The following HDAC4 variants were observed in gnomAD, a reference collection of about 807,000 sequenced individuals.
The protein encoded by HDAC4 is histone deacetylase 4, also known as histone deacetylase A.
Under a neutral mutation model 135.1 loss-of-function variants are expected in HDAC4, and 16 were observed. The ratio of observed to expected loss-of-function variants is 0.12; its 90% confidence interval spans 0.08 to 0.18. The LOEUF (loss-of-function observed/expected upper bound fraction) is 0.18, where lower values mean the gene tolerates loss of function less well. Among genes scored for constraint, HDAC4 ranks in the 10% least tolerant of loss-of-function variants. The pLI, the probability that HDAC4 is intolerant of heterozygous loss-of-function variation, is 1.00. For synonymous variants in HDAC4, 685 were observed against 653.4 expected, an observed-to-expected ratio of 1.05 and a Z score of -0.74; for missense variants, 1,143 against 1,511.8, an observed-to-expected ratio of 0.76 and a Z score of 4.05.
intron 2 of HDAC4, among the ~76,000 whole-genome samples, chr2:239,297,366 C>A (rs1007222742): frequency 6.6e-6 from 1 of 152,250 alleles, no homozygotes. Flanking sequence ...TCCGTGCCAC[C>A]AACCTGTGGG....
intron 13 of HDAC4, among the ~76,000 whole-genome samples, chr2:239,112,266 G>A (rs2038745014): frequency 6.6e-6 from 1 of 152,218 alleles, no homozygotes; most frequent in Non-Finnish European, 1.5e-5. Context: ...TGGGCACGAA[G>A]CCCAACCCCC....
rs1346725132 is a variant in HDAC4, at chr2:239,141,956, C to A, written c.866-2160G>T. On this transcript the variant is annotated intron_variant, in intron 8 of 26. Coordinates refer to ENST00000543185, the MANE Select transcript of HDAC4 (RefSeq NM_001378414.1). The surrounding 1 kb of genome is among the most constrained non-coding windows in gnomAD (Gnocchi z 4.9). Reference sequence around the variant, plus strand: ...AAACGGGAACACCATTGGAGGTGCTCAAAAGGCGTGTGGCTGAAATTGAGT... The same window carrying A: ...AAACGGGAACACCATTGGAGGTGCTAAAAAGGCGTGTGGCTGAAATTGAGT... 1.3e-5 allele frequency among the ~76,000 whole-genome samples: 2 copies of A among 152,120 alleles called. No homozygotes were observed. Among genetic ancestry groups the A allele is most frequent in the Non-Finnish European group, 2.9e-5 (2 of 68,038 alleles).
Position 239,118,794 on chromosome 2 carries a change from C to T in HDAC4, c.1534-3484G>A, listed in dbSNP as rs3791429. Among the ~76,000 whole-genome samples, 4 of 152,206 alleles carry T rather than the reference C, an allele frequency of 2.6e-5. No individual in the cohort carries two copies. In the East Asian group the frequency reaches 7.7e-4, roughly 29 times the overall value. ...CTAAGGAATCTAGCAACATTGTCCC[C>T]ATTTGCTCTGACAGGTTTCTCAGTG... On this transcript the variant is annotated intron_variant, in intron 12 of 26. Coordinates refer to ENST00000543185, the MANE Select transcript of HDAC4 (RefSeq NM_001378414.1).
chr2:239,190,476 A>C (rs1312885765), intron 3 of HDAC4, among the ~76,000 whole-genome samples: 1 of 152,244 alleles, frequency 6.6e-6, no homozygotes, highest in Non-Finnish European at 1.5e-5. Flanking sequence ...TTCAAGGAAA[A>C]GCGCGGGCGC....
intron 4 of HDAC4, among the ~76,000 whole-genome samples, chr2:239,178,666 G>C (rs2043933339): frequency 6.6e-6 from 1 of 152,224 alleles, no homozygotes; most frequent in Non-Finnish European, 1.5e-5. Context: ...TTACGAGCGT[G>C]AGCTGCCTCA....
chr2:239,095,613 G>A (rs2036946421), intron 16 of HDAC4, among the ~76,000 whole-genome samples: 2 of 152,190 alleles, frequency 1.3e-5, no homozygotes, highest in Middle Eastern at 3.2e-3. Flanking sequence ...ACAGCTGACT[G>A]AGGGCTCCAA....
intron 8 of HDAC4, among the ~76,000 whole-genome samples, chr2:239,143,926 G>T (rs3791479): frequency 2.0e-5 from 3 of 152,032 alleles, no homozygotes; most frequent in Non-Finnish European, 2.9e-5. Flanking sequence ...TGTGATTTCA[G>T]GAGTGGTGGG....
intron 12 of HDAC4, among the ~76,000 whole-genome samples, chr2:239,119,220 C>A (rs868711724): frequency 6.6e-6 from 1 of 152,082 alleles, no homozygotes; most frequent in African/African-American, 2.4e-5. Flanking sequence ...CTCGGTGCAC[C>A]GGAGGGAGAG....
At chr2:239,194,892 C>T (rs550107997) in intron 3 of HDAC4, among the ~76,000 whole-genome samples, 15 of 152,326 alleles carry the variant, frequency 9.8e-5, no homozygotes, top group African/African-American at 3.6e-4. Flanking sequence ...GCTGATCCGC[C>T]CCTGGCAGTG....
At chr2:239,293,470 GGGC>G (rs1236383923) in intron 2 of HDAC4, among the ~76,000 whole-genome samples, 2 of 152,190 alleles carry the variant, frequency 1.3e-5, no homozygotes, top group Non-Finnish European at 2.9e-5. Context: ...ACCCCAGCAG[GGGC>G]GGAACATTAA....
intron 5 of HDAC4, 68 bp from the exon 6 acceptor site, chr2:239,163,991 C>A (rs750873591): frequency 6.3e-7 from 1 of 1,587,876 alleles, no homozygotes; most frequent in Non-Finnish European, 8.6e-7. Context: ...TGCAGGGCAG[C>A]GGGGCCACAG....
intron 3 of HDAC4, among the ~76,000 whole-genome samples, chr2:239,206,352 A>C (rs1322852525): frequency 6.6e-6 from 1 of 151,906 alleles, no homozygotes; most frequent in Non-Finnish European, 1.5e-5. Context: ...TAATTAAATA[A>C]ATGTTTTAAA....
chr2:239,099,689 C>T (rs748017156), intron 16 of HDAC4, among the ~76,000 whole-genome samples: 6 of 152,322 alleles, frequency 3.9e-5, no homozygotes, highest in African/African-American at 9.6e-5. Context: ...CGGTGCTCCC[C>T]GCCTCCGCTA....
chr2:239,281,332 GCAAA>G (rs1204300243), intron 2 of HDAC4, among the ~76,000 whole-genome samples: 5 of 65,008 alleles, frequency 7.7e-5, no homozygotes, highest in Admixed American at 1.4e-4. Flanking sequence ...ACACCACTCT[GCAAA>G]CAATGTACAC....
intron 2 of HDAC4, among the ~76,000 whole-genome samples, chr2:239,246,263 G>A (rs529112166): frequency 1.2e-4 from 18 of 152,178 alleles, no homozygotes; most frequent in Non-Finnish European, 2.1e-4. Context: ...CAGGTTACTC[G>A]GGGATTTTCC....
At chr2:239,126,402 G>A (rs1457023352) in intron 12 of HDAC4, 54 bp downstream of exon 12, 1 of 1,611,264 alleles carries the variant, frequency 6.2e-7, no homozygotes, top group Non-Finnish European at 8.5e-7. Context: ...TGAGGCTGAA[G>A]CGCACAGCAC....
chr2:239,388,330 A>T (rs1366424238), intron 1 of HDAC4, among the ~76,000 whole-genome samples: 1 of 152,226 alleles, frequency 6.6e-6, no homozygotes, highest in Non-Finnish European at 1.5e-5. Flanking sequence ...AAGCTCATCC[A>T]CCTAATCCCA....
chr2:239,209,529 T>G (rs187754575), intron 3 of HDAC4, among the ~76,000 whole-genome samples: 40 of 152,338 alleles, frequency 2.6e-4, no homozygotes, highest in Admixed American at 2.3e-3. Context: ...ATGGATTCCA[T>G]GTGGATTAAG....
At chr2:239,224,865 T>C (rs975218478) in intron 3 of HDAC4, among the ~76,000 whole-genome samples, 1 of 152,242 alleles carries the variant, frequency 6.6e-6, no homozygotes, top group African/African-American at 2.4e-5. Context: ...GTTCTAATAT[T>C]GTAGGTAATT....
Sources: allele counts gnomAD v4.1 joint callset (sites outside exome capture counted in the v4.1 genomes callset), GRCh38; gene constraint gnomAD v4.1.1; non-coding constraint Gnocchi (gnomAD v3.1); transcripts MANE v1.5; gene names NCBI Gene and HGNC (gene_info 2026-07-23, HGNC 2026-07-21).